The following MOV10L1 variants were observed in gnomAD, a reference collection of about 807,000 sequenced individuals.
The protein encoded by MOV10L1 is RNA helicase Mov10l1.
Under a neutral mutation model 143.8 loss-of-function variants are expected in MOV10L1, and 110 were observed. The observed-to-expected ratio is 0.76, with a 90% CI of 0.66 to 0.90. MOV10L1 has a LOEUF of 0.90. Among genes scored for constraint, MOV10L1 ranks in the 40% least tolerant of loss-of-function variants. The pLI is 0.00. For synonymous variants in MOV10L1, 593 were observed against 581.1 expected (o/e 1.02, Z -0.29); for missense variants, 1,406 against 1,526.8 (o/e 0.92, Z 1.32).
intron 9 of MOV10L1, among the ~76,000 whole-genome samples, chr22:50,118,466 T>C (rs1412738177): frequency 6.6e-6 from 1 of 152,212 alleles, no homozygotes; most frequent in African/African-American, 2.4e-5. Flanking sequence ...CACTGCCTGA[T>C]GCACTAGGGG....
At chr22:50,125,701 A>G in intron 11 of MOV10L1, 132 bp downstream of exon 11, 1 of 922,722 alleles carries the variant, frequency 1.1e-6, no homozygotes, top group Non-Finnish European at 1.6e-6. Context: ...AATTTCACTA[A>G]AAATCAGCAA....
chr22:50,137,992 G>A (rs889914468), intron 15 of MOV10L1, among the ~76,000 whole-genome samples: 1 of 151,786 alleles, frequency 6.6e-6, no homozygotes, highest in Non-Finnish European at 1.5e-5. Context: ...AAAAATAAAT[G>A]TGTAATATAC....
chr22:50,114,266 TTC>T, intron 6 of MOV10L1, 113 bp from the exon 7 acceptor site: 1 of 1,253,956 alleles, frequency 8.0e-7, no homozygotes, highest in South Asian at 1.5e-5. Context: ...TTGACTTATA[TTC>T]ATAAGTGTAT....
At chr22:50,157,082 G>T (rs2063445590) in intron 22 of MOV10L1, among the ~76,000 whole-genome samples, 1 of 152,060 alleles carries the variant, frequency 6.6e-6, no homozygotes, top group Admixed American at 6.6e-5. Context: ...CTGTAGTTTT[G>T]ATTTGCATTT....
intron 15 of MOV10L1, among the ~76,000 whole-genome samples, chr22:50,135,016 T>C (rs979537408): frequency 6.6e-6 from 1 of 152,014 alleles, no homozygotes; most frequent in African/African-American, 2.4e-5. Context: ...TTTTTTCTTT[T>C]CTTTCTTTTT....
chr22:50,153,025 C>A lies in MOV10L1; in HGVS notation c.2893-20C>A. ...CCGGGTACCACCTTCCCCTTGTGAC[C>A]CATCACCATCTCCTCGCAGGTCACA... On this transcript the variant is annotated intron_variant, in intron 21 of 26. Transcript: ENST00000262794. The A allele has an allele frequency of 1.3e-6, 2 of 1,582,144 alleles. No individual in the cohort carries two copies. Among genetic ancestry groups the A allele is most frequent in the Non-Finnish European group, 1.7e-6 (2 of 1,157,460 alleles).
rs1348581947 is a variant in MOV10L1, at chr22:50,160,799, C to T, written c.3436C>T (p.Leu1146=). The T allele has an allele frequency of 1.9e-6, 3 of 1,613,948 alleles. No homozygotes were observed. The highest frequency in any genetic ancestry group is 2.5e-6 in the Non-Finnish European group (3 of 1,180,010). Reference sequence around the variant, plus strand: ...CAGACCCAAAGCTTTGCTGATAGTGCTGGGAAACCCCCATGTTCTCGTTCG... The same window carrying T: ...CAGACCCAAAGCTTTGCTGATAGTGTTGGGAAACCCCCATGTTCTCGTTCG... The part of the protein sequence containing the change: ...ITRPKALLIV[L]GNPHVLVRDP... The change falls in exon 25 of 27, where the codon CTG becomes TTG. Residue 1146 remains leucine, a synonymous_variant. Coordinates refer to ENST00000262794, the MANE Select transcript of MOV10L1 (RefSeq NM_018995.3).
intron 2 of MOV10L1, among the ~76,000 whole-genome samples, chr22:50,097,401 C>T (rs551537624): frequency 9.2e-5 from 14 of 152,288 alleles, no homozygotes; most frequent in African/African-American, 2.4e-4. Context: ...TAAGCCACCA[C>T]GCCTGGCCTC....
chr22:50,152,215 C>T lies in MOV10L1; in HGVS notation c.2893-830C>T, dbSNP rs1481655502. 6.6e-6 allele frequency among the ~76,000 whole-genome samples: 1 copy of T among 152,200 alleles called. No individual in the cohort carries two copies. Among genetic ancestry groups the T allele is most frequent in the Admixed American group, 6.5e-5 (1 of 15,284 alleles). ...CATCCCAAGGAGGGAGAGCCCTAGG[C>T]TTGTTCTCCCCAGCAGTGTCTCCCC... is the stretch of plus-strand genomic sequence containing the variant. On this transcript the variant is annotated intron_variant, in intron 21 of 26. Coordinates refer to ENST00000262794, the MANE Select transcript of MOV10L1 (RefSeq NM_018995.3). The surrounding 1 kb of genome is among the most constrained non-coding windows in gnomAD (Gnocchi z 4.4).
rs183555163 is a variant in MOV10L1 at position 50,111,911 on chromosome 22, T to G, written c.744-1737T>G. Among the ~76,000 whole-genome samples the G allele has an allele frequency of 4.2e-4, 64 of 152,336 alleles. 1 individual carries two copies. Among genetic ancestry groups the G allele is most frequent in the Middle Eastern group, 3.4e-3 (1 of 294 alleles). ...GATCCCGATAGAATGCAGGTTCTGT[T>G]TGGGGAAAGCGTCTGCTTTCCAGCC... is the stretch of plus-strand genomic sequence containing the variant. On this transcript the variant is annotated intron_variant, in intron 5 of 26. Coordinates refer to ENST00000262794, the MANE Select transcript of MOV10L1 (RefSeq NM_018995.3).
At chr22:50,102,891 ACTC>A (rs1404590463) in intron 3 of MOV10L1, among the ~76,000 whole-genome samples, 1 of 150,688 alleles carries the variant, frequency 6.6e-6, no homozygotes, top group Non-Finnish European at 1.5e-5. Flanking sequence ...ACAGAGCAAA[ACTC>A]CTTCTCAAAA....
chr22:50,143,330 G>C (rs780502400), intron 17 of MOV10L1, 109 bp downstream of exon 17: 1 of 1,241,284 alleles, frequency 8.1e-7, no homozygotes, highest in Non-Finnish European at 1.2e-6. Flanking sequence ...GTTGGAAAGA[G>C]CTTGAGAAAT....
rs758568958 is a variant in MOV10L1, at chr22:50,125,568, A to G, written c.1746A>G (p.Ala582=). The G allele has an allele frequency of 8.7e-6, 14 of 1,613,824 alleles. No homozygotes were observed. Among genetic ancestry groups the G allele is most frequent in the Admixed American group, 1.7e-5 (1 of 59,994 alleles). ...GLAEGRPSLY[A]GDKLILKTQE... Reference sequence around the variant, plus strand: ...CCGAAGGGAGGCCTTCTCTCTACGCAGGTGTGTTTGTTACTCATATGCTTC... The same window carrying G: ...CCGAAGGGAGGCCTTCTCTCTACGCGGGTGTGTTTGTTACTCATATGCTTC... Residue 582 remains alanine, a splice_region_variant and synonymous_variant, in exon 11 of 27, where the codon GCA becomes GCG. Transcript: ENST00000262794.
chr22:50,161,247 C>T, intron 26 of MOV10L1, 121 bp from the exon 27 acceptor site: 1 of 1,026,572 alleles, frequency 9.7e-7, no homozygotes. Flanking sequence ...GTCACCTTTC[C>T]CACATAGGCT....
intron 16 of MOV10L1, among the ~76,000 whole-genome samples, 185 bp downstream of exon 16, chr22:50,142,374 CTT>C (rs1157920272): frequency 6.6e-6 from 1 of 152,172 alleles, no homozygotes; most frequent in Non-Finnish European, 1.5e-5. Context: ...TTTAAGAAGA[CTT>C]TTAGATTCTG....
rs896925663 is a variant in MOV10L1 at position 50,126,141 on chromosome 22, A to G, written c.1748-61A>G. On this transcript the variant is annotated intron_variant, in intron 11 of 26. Transcript: ENST00000262794. ...CCTCCTCAGTGTTGGATTTTATAGG[A>G]CAGCACAGAAATTTGTGATTTTGTG... is the stretch of plus-strand genomic sequence containing the variant. 21 of 1,219,004 alleles carry G rather than the reference A, an allele frequency of 1.7e-5. No individual in the cohort carries two copies. The Middle Eastern group carries it at 5.6e-4, about 33-fold the overall frequency. The allele number at this position is 1,219,004 out of a possible 1,614,324, so 75.5% of individuals were successfully genotyped here.
intron 12 of MOV10L1, among the ~76,000 whole-genome samples, chr22:50,126,953 C>G (rs1437494113): frequency 2.6e-5 from 4 of 152,314 alleles, no homozygotes; most frequent in African/African-American, 9.6e-5. Context: ...CACCTTCATG[C>G]AGGGTCCATG....
Position 50,125,501 on chromosome 22 carries a change from G to C in MOV10L1, c.1679G>C (p.Arg560Thr), listed in dbSNP as rs200419894. The change falls in exon 11 of 27, where the codon AGA (arginine) becomes ACA (threonine). Residue 560 changes from arginine to threonine, a missense_variant. Physicochemically the swap from Arg to Thr is moderately conservative, Grantham distance 71. This residue lies in a region of MOV10L1 where 1,233 missense variants were observed against 1,351.4 expected (regional missense o/e 0.91). Transcript: ENST00000262794. ...TATAACATGAGCGGGATCATCTTAAGAAGGAATGGGGATCTGCTGGTTCTG... is the reference window on the plus strand; with the variant it reads ...TATAACATGAGCGGGATCATCTTAACAAGGAATGGGGATCTGCTGGTTCTG... ...KEYNMSGIIL[R>T]RNGDLLVLEV... The C allele has an allele frequency of 6.0e-5, 97 of 1,614,126 alleles. No homozygotes were observed. The highest frequency in any genetic ancestry group is 7.6e-5 in the Non-Finnish European group (90 of 1,180,038).
intron 15 of MOV10L1, among the ~76,000 whole-genome samples, chr22:50,136,555 C>G (rs565813259): frequency 6.6e-6 from 1 of 152,166 alleles, no homozygotes; most frequent in Non-Finnish European, 1.5e-5. Context: ...AATGAGGTGA[C>G]CTCATGGTTT....
Sources: allele counts gnomAD v4.1 joint callset (sites outside exome capture counted in the v4.1 genomes callset), GRCh38; gene constraint gnomAD v4.1.1; regional missense constraint gnomAD v4.1.1; non-coding constraint Gnocchi (gnomAD v3.1); transcripts MANE v1.5; gene names NCBI Gene and HGNC (gene_info 2026-07-23, HGNC 2026-07-21).